Variants in CNTNAP5 observed in about 807,000 individuals in gnomAD.
CNTNAP5 encodes the protein contactin associated protein family member 5.
In CNTNAP5, 72 loss-of-function variants were observed where a neutral mutation model predicts 150.2. The observed-to-expected ratio is 0.48, with a 90% CI of 0.40 to 0.58. CNTNAP5 has a LOEUF of 0.58. Ranked by LOEUF, CNTNAP5 falls within the 20% of genes least tolerant of loss-of-function variation. CNTNAP5 has a pLI of 0.00. For synonymous variants in CNTNAP5, 672 were observed against 619.8 expected, an observed-to-expected ratio of 1.08 and a Z score of -1.25; for missense variants, 1,636 against 1,626.2, an observed-to-expected ratio of 1.01 and a Z score of -0.10.
chr2:124,896,846 T>C (rs1678317103), intron 21 of CNTNAP5, among the ~76,000 whole-genome samples: 1 of 151,634 alleles, frequency 6.6e-6, no homozygotes, highest in Admixed American at 6.6e-5. Context: ...GCTAAGAATA[T>C]GGAAGTTCTT....
chr2:124,307,889 C>T (rs1052463812), intron 3 of CNTNAP5, among the ~76,000 whole-genome samples: 7 of 152,118 alleles, frequency 4.6e-5, no homozygotes, highest in Non-Finnish European at 8.8e-5. Flanking sequence ...TTAGAAATGC[C>T]AAATTTCTAA....
intron 1 of CNTNAP5, among the ~76,000 whole-genome samples, chr2:124,147,194 G>A (rs1192718584): frequency 6.6e-6 from 1 of 152,160 alleles, no homozygotes; most frequent in Non-Finnish European, 1.5e-5. Flanking sequence ...AGTCTTGAAG[G>A]AGATGAGAGC....
Position 124,765,017 on chromosome 2 carries a change from C to G in CNTNAP5, c.2533+870C>G, listed in dbSNP as rs908134880. Among the ~76,000 whole-genome samples the G allele has an allele frequency of 2.0e-5, 3 of 151,784 alleles. 1 individual carries two copies. The highest frequency in any genetic ancestry group is 2.0e-4 in the Admixed American group (3 of 15,226). ...TGTTCAAAAGAGAGTGTGCTCATGTCCATTTATCTTATATTGAGAAAATAA... is the reference window on the plus strand; with the variant it reads ...TGTTCAAAAGAGAGTGTGCTCATGTGCATTTATCTTATATTGAGAAAATAA... On this transcript the variant is annotated intron_variant, in intron 16 of 23. Coordinates refer to ENST00000682447, the MANE Select transcript of CNTNAP5 (RefSeq NM_001367498.1).
At chr2:124,628,155 C>T (rs1035198264) in intron 12 of CNTNAP5, among the ~76,000 whole-genome samples, 24 of 152,210 alleles carry the variant, frequency 1.6e-4, no homozygotes, top group Admixed American at 2.6e-4. Context: ...GTGTATCATC[C>T]GGGAGGACTT....
At chr2:124,170,548 G>T (rs566184372) in intron 1 of CNTNAP5, among the ~76,000 whole-genome samples, 6 of 152,182 alleles carry the variant, frequency 3.9e-5, no homozygotes, top group Non-Finnish European at 8.8e-5. Flanking sequence ...GAGTGCCGCA[G>T]CTTCCCGATG....
At chr2:124,202,582 C>T (rs1157621806) in intron 1 of CNTNAP5, among the ~76,000 whole-genome samples, 1 of 152,092 alleles carries the variant, frequency 6.6e-6, no homozygotes, top group Non-Finnish European at 1.5e-5. Flanking sequence ...TGAAGAAATA[C>T]CTGCGACTGC....
intron 3 of CNTNAP5, among the ~76,000 whole-genome samples, chr2:124,271,915 A>G (rs1265387061): frequency 1.3e-5 from 2 of 152,032 alleles, no homozygotes; most frequent in Non-Finnish European, 1.5e-5. Context: ...GGGTTTCACT[A>G]TGTTGGTCAG....
intron 12 of CNTNAP5, among the ~76,000 whole-genome samples, chr2:124,634,383 A>G (rs1677928526): frequency 6.6e-6 from 1 of 152,190 alleles, no homozygotes; most frequent in Non-Finnish European, 1.5e-5. Flanking sequence ...AGATCCCAAG[A>G]GCAGGGGCAC....
intron 3 of CNTNAP5, among the ~76,000 whole-genome samples, chr2:124,327,971 G>T (rs963570137): frequency 1.3e-5 from 2 of 152,216 alleles, no homozygotes; most frequent in East Asian, 3.9e-4. Context: ...AAAATTAAAT[G>T]AGTATTTTTA....
intron 19 of CNTNAP5, among the ~76,000 whole-genome samples, chr2:124,864,672 G>A (rs965894833): frequency 2.6e-5 from 4 of 151,898 alleles, no homozygotes; most frequent in African/African-American, 9.7e-5. Context: ...CATTTTGTAA[G>A]AAATGCTGAC....
At chr2:124,362,871 C>T (rs548214845) in intron 3 of CNTNAP5, among the ~76,000 whole-genome samples, 21 of 152,240 alleles carry the variant, frequency 1.4e-4, no homozygotes, top group African/African-American at 5.1e-4. Context: ...TTTTTTTGTT[C>T]AGTGTTCTAT....
chr2:124,623,680 ATCT>A (rs1677663989), intron 12 of CNTNAP5, among the ~76,000 whole-genome samples: 1 of 152,170 alleles, frequency 6.6e-6, no homozygotes, highest in South Asian at 2.1e-4. Flanking sequence ...CCTTCTCCTT[ATCT>A]TCTTTTGCCT....
intron 19 of CNTNAP5, among the ~76,000 whole-genome samples, chr2:124,864,896 T>C (rs1427936031): frequency 2.6e-5 from 4 of 152,164 alleles, no homozygotes; most frequent in Non-Finnish European, 5.9e-5. Context: ...GACTGAGTTC[T>C]CTTTCCAGTC....
intron 13 of CNTNAP5, among the ~76,000 whole-genome samples, chr2:124,687,992 G>T (rs980223752): frequency 6.6e-6 from 1 of 152,054 alleles, no homozygotes; most frequent in Non-Finnish European, 1.5e-5. Context: ...TGAAACTCCT[G>T]TAGTCATCAA....
intron 1 of CNTNAP5, among the ~76,000 whole-genome samples, chr2:124,087,357 G>T (rs1682715623): frequency 6.6e-6 from 1 of 151,420 alleles, no homozygotes; most frequent in Non-Finnish European, 1.5e-5. Context: ...CATTATTTTA[G>T]GATAGGCCTG....
chr2:124,514,013 G>C (rs1694651438), intron 8 of CNTNAP5, among the ~76,000 whole-genome samples: 1 of 152,166 alleles, frequency 6.6e-6, no homozygotes, highest in Admixed American at 6.5e-5. Flanking sequence ...CTCGGTATTT[G>C]AGCTAAGATA....
intron 13 of CNTNAP5, among the ~76,000 whole-genome samples, chr2:124,687,133 T>C (rs553599448): frequency 6.6e-6 from 1 of 152,142 alleles, no homozygotes; most frequent in African/African-American, 2.4e-5. Flanking sequence ...GGGGCTAGAG[T>C]TGCAACGGAG....
At chr2:124,632,670 C>T (rs1354343205) in intron 12 of CNTNAP5, among the ~76,000 whole-genome samples, 1 of 151,280 alleles carries the variant, frequency 6.6e-6, no homozygotes, top group Non-Finnish European at 1.5e-5. Flanking sequence ...ATGTATGTTA[C>T]AAACCTGCAC....
intron 1 of CNTNAP5, among the ~76,000 whole-genome samples, chr2:124,215,621 T>C (rs1313334457): frequency 6.6e-6 from 1 of 151,844 alleles, no homozygotes; most frequent in Non-Finnish European, 1.5e-5. Context: ...TTACCTTTTT[T>C]CTTTTGCCTT....
Sources: gnomAD v4.1 joint callset for allele counts (sites outside exome capture counted in the v4.1 genomes callset) on GRCh38, gnomAD v4.1.1 for gene constraint, MANE v1.5 for transcripts, NCBI Gene and HGNC (gene_info 2026-07-23, HGNC 2026-07-21) for gene names.